Variants in PLCG2 observed in about 807,000 individuals in gnomAD.
PLCG2 encodes 1-phosphatidylinositol 4,5-bisphosphate phosphodiesterase gamma-2.
In PLCG2, 69 loss-of-function variants were observed where a neutral mutation model predicts 175.6. The ratio of observed to expected loss-of-function variants is 0.39; its 90% confidence interval spans 0.32 to 0.48. The LOEUF is 0.48. Ranked by LOEUF, PLCG2 falls within the 20% of genes least tolerant of loss-of-function variation. The probability of loss-of-function intolerance (pLI) is 0.91; values close to 1 mark genes in which losing one functional copy is unlikely to be tolerated. For missense variants in PLCG2, 1,798 were observed against 1,650.9 expected, an observed-to-expected ratio of 1.09 and a Z score of -1.54; for synonymous variants, 827 against 624.0, an observed-to-expected ratio of 1.33 and a Z score of -4.85.
Position 81,957,982 on chromosome 16 carries a change from G to A in PLCG2, c.3782G>A (p.Ser1261Asn). The A allele has an allele frequency of 2.5e-6, 4 of 1,613,364 alleles. No individual in the cohort carries two copies. The highest frequency in any genetic ancestry group is 3.4e-6 in the Non-Finnish European group (4 of 1,179,270). Reference protein sequence around the residue: ...KRLREKRVSNSKFYS With the variant: ...KRLREKRVSNNKFYS ...TTAAGAGAGAAGAGAGTCAGCAACA[G>A]CAAGTTTTACTCATAGAAGCTGGGG... The change falls in exon 33 of 33, where the codon AGC becomes AAC. Residue 1261 changes from serine to asparagine, a missense_variant. Transcript: ENST00000564138.
chr16:81,812,842 A>T (rs1386744090), intron 2 of PLCG2, among the ~76,000 whole-genome samples: 1 of 151,824 alleles, frequency 6.6e-6, no homozygotes, highest in South Asian at 2.1e-4. Context: ...ATCTTGAGTT[A>T]ATTTTTGTAT....
chr16:81,956,551 T>C (rs1911576678), intron 31 of PLCG2, 144 bp from the exon 32 acceptor site: 1 of 574,936 alleles, frequency 1.7e-6, no homozygotes. Flanking sequence ...TTGGTTAAAA[T>C]AGGCCCTGGC....
chr16:81,754,840 A>T (rs957375285), intron 1 of PLCG2, among the ~76,000 whole-genome samples: 2 of 152,210 alleles, frequency 1.3e-5, no homozygotes, highest in Admixed American at 1.3e-4. Context: ...CATTGTAGGT[A>T]TTCAAACTTT....
intron 1 of PLCG2, among the ~76,000 whole-genome samples, chr16:81,753,886 C>A (rs1213091141): frequency 6.6e-6 from 1 of 152,132 alleles, no homozygotes; most frequent in Non-Finnish European, 1.5e-5. Flanking sequence ...GAAGTGGCTG[C>A]GGAGGTGAGA....
rs1910777831 is a variant in PLCG2, at chr16:81,937,836, G to C, written c.3131G>C (p.Arg1044Thr). Residue 1044 changes from arginine (R) to threonine (T), a missense_variant, in exon 28 of 33, where the codon AGG (arginine) becomes ACG (threonine). Arg to Thr is a moderately conservative substitution (Grantham distance 71, BLOSUM62 -1). Transcript: ENST00000564138. The stretch of plus-strand genomic sequence containing the variant: ...TACGTTCTGCAGCCTGAGAGCATGA[G>C]GACAGAGAAATATGACCCGATGCCA... ...TGYVLQPESM[R>T]TEKYDPMPPE... is the part of the protein sequence containing the mutation. 6.2e-7 allele frequency: 1 copy of C among 1,614,066 alleles called. No individual in the cohort carries two copies. The highest frequency in any genetic ancestry group is 1.3e-5 in the African/African-American group (1 of 75,048).
chr16:81,841,216 A>C, intron 2 of PLCG2, among the ~76,000 whole-genome samples: 1 of 67,056 alleles, frequency 1.5e-5, no homozygotes, highest in African/African-American at 3.8e-5. Flanking sequence ...TTATTTATTT[A>C]TTTATTTATT....
chr16:81,771,030 C>T (rs537721907), intron 2 of PLCG2, among the ~76,000 whole-genome samples: 12 of 148,394 alleles, frequency 8.1e-5, no homozygotes, highest in African/African-American at 3.0e-4. Flanking sequence ...TGCACTCCAG[C>T]CTTGGTGACA....
At chr16:81,852,067 T>A (rs1906445632) in intron 2 of PLCG2, 1 of 152,344 alleles carries the variant, frequency 6.6e-6, no homozygotes, top group African/African-American at 2.4e-5. Context: ...CCACCTCTTC[T>A]TGCTGCAAAG....
chr16:81,941,703 C>CTTT (rs5818362), intron 30 of PLCG2, among the ~76,000 whole-genome samples: 1 of 146,262 alleles, frequency 6.8e-6, no homozygotes, highest in African/African-American at 2.5e-5. Flanking sequence ...TAAACTCCCC[C>CTTT]TTTTTTTTTT....
intron 2 of PLCG2, among the ~76,000 whole-genome samples, chr16:81,767,136 GTTTTTTTTTT>G (rs66799783): frequency 2.8e-5 from 2 of 71,726 alleles, no homozygotes; most frequent in Non-Finnish European, 4.9e-5. Context: ...TAAACTCGTG[GTTTTTTTTTT>G]TTTTTTTTTT....
chr16:81,936,047 A>C, intron 26 of PLCG2, 122 bp from the exon 27 acceptor site: 1 of 1,475,418 alleles, frequency 6.8e-7, no homozygotes, highest in African/African-American at 1.4e-5. Flanking sequence ...AACCCCTTGA[A>C]TGTCAAAGAG....
In PLCG2 at chr16:81,926,967, G is replaced by A. The variant is rs953311749; in HGVS notation, c.2418-115G>A. 9 of 703,212 alleles carry A rather than the reference G, an allele frequency of 1.3e-5. No individual in the cohort carries two copies. The African/African-American group carries it at 1.6e-4, about 12-fold the overall frequency. The allele number at this position is 703,212 out of a possible 1,614,324, so 43.6% of individuals were successfully genotyped here. On this transcript the variant is annotated intron_variant, in intron 22 of 32. Transcript: ENST00000564138. ...CACAGATAGTGACACTGGTCACTTG[G>A]CCACTTGCTGTCTGTCCCCATCAGA... is the stretch of plus-strand genomic sequence containing the variant.
chr16:81,852,806 G>A (rs889099693), intron 2 of PLCG2, among the ~76,000 whole-genome samples: 1 of 152,192 alleles, frequency 6.6e-6, no homozygotes, highest in African/African-American at 2.4e-5. Flanking sequence ...TGTCAGCTGG[G>A]GCAGCTCACT....
At chr16:81,949,870 T>G (rs1281715962) in intron 31 of PLCG2, among the ~76,000 whole-genome samples, 1 of 152,188 alleles carries the variant, frequency 6.6e-6, no homozygotes, top group Non-Finnish European at 1.5e-5. Flanking sequence ...AAAGGTTATT[T>G]CAACTTTGAC....
rs937258439 is a variant in PLCG2 at position 81,839,354 on chromosome 16, GA to G, written c.194-15079del. Among the ~76,000 whole-genome samples the G allele has an allele frequency of 7.7e-3, 1,125 of 146,024 alleles. 9 individuals carry two copies. The highest frequency in any genetic ancestry group is 0.025 in the African/African-American group (995 of 40,038). On this transcript the variant is annotated intron_variant, in intron 2 of 32. Coordinates refer to ENST00000564138, the MANE Select transcript of PLCG2 (RefSeq NM_002661.5). ...CAAAACTGGTCAATCCATGTGTGAG[GA>G]AAAAAAAAAATCTCTATATAGTCTT...
chr16:81,792,293 C>G (rs892880781), intron 2 of PLCG2, among the ~76,000 whole-genome samples: 2 of 151,924 alleles, frequency 1.3e-5, no homozygotes, highest in Non-Finnish European at 2.9e-5. Flanking sequence ...ACCAGCCTAG[C>G]CAACATGGCG....
In PLCG2 at chr16:81,936,183, C is replaced by A; in HGVS notation, c.2857C>A (p.Arg953=). The A allele has an allele frequency of 6.2e-7, 1 of 1,614,018 alleles. No individual in the cohort carries two copies. The highest frequency in any genetic ancestry group is 8.5e-7 in the Non-Finnish European group (1 of 1,180,018). ...TKDNLENPDF[R]EIRSFVETKA... The stretch of plus-strand genomic sequence containing the variant: ...TCTGTGTGCAGAAAATCCTGACTTC[C>A]GAGAAATCCGCTCCTTTGTGGAGAC... The change falls in exon 27 of 33, where the codon CGA becomes AGA. Residue 953 remains arginine (R), a synonymous_variant. Transcript: ENST00000564138.
chr16:81,805,035 C>T (rs1028797490), intron 2 of PLCG2, among the ~76,000 whole-genome samples: 2 of 152,124 alleles, frequency 1.3e-5, no homozygotes, highest in East Asian at 3.8e-4. Flanking sequence ...GTGATTTGCC[C>T]AAGGTTACCA....
At chr16:81,936,525 TA>T in intron 27 of PLCG2, 147 bp downstream of exon 27, 1 of 664,170 alleles carries the variant, frequency 1.5e-6, no homozygotes, top group Non-Finnish European at 2.6e-6. Flanking sequence ...GAGTAATGGT[TA>T]GTATGAGGTC....
Sources: gnomAD v4.1 joint callset for allele counts (sites outside exome capture counted in the v4.1 genomes callset) on GRCh38, gnomAD v4.1.1 for gene constraint, MANE v1.5 for transcripts, NCBI Gene and HGNC (gene_info 2026-07-23, HGNC 2026-07-21) for gene names.